Variants in MFN1 observed in about 807,000 individuals in gnomAD.
MFN1 encodes mitofusin 1, also known as mitofusin-1.
A neutral mutation model predicts 92.4 loss-of-function variants in MFN1; 65 were observed. The observed-to-expected ratio is 0.70, with a 90% CI of 0.58 to 0.86. MFN1 has a LOEUF of 0.86. Ranked by LOEUF, MFN1 falls within the 40% of genes least tolerant of loss-of-function variation. The probability of loss-of-function intolerance (pLI) is 0.00; values close to 1 mark genes in which losing one functional copy is unlikely to be tolerated. For synonymous variants in MFN1, 297 were observed against 300.9 expected (o/e 0.99, Z 0.13); for missense variants, 781 against 868.0 (o/e 0.90, Z 1.26).
chr3:179,358,597 CAAG>C (rs1284501322), intron 3 of MFN1, among the ~76,000 whole-genome samples: 3 of 152,196 alleles, frequency 2.0e-5, no homozygotes, highest in African/African-American at 7.2e-5. Context: ...CCACAAAAAG[CAAG>C]AAAGAAAAGT....
intron 7 of MFN1, among the ~76,000 whole-genome samples, chr3:179,366,683 G>A (rs866884856): frequency 1.3e-5 from 2 of 151,778 alleles, no homozygotes; most frequent in African/African-American, 2.4e-5. Flanking sequence ...TTCAAATTGG[G>A]GTCTCAGAAT....
chr3:179,357,682 C>A (rs1712397567), intron 3 of MFN1, among the ~76,000 whole-genome samples: 3 of 152,164 alleles, frequency 2.0e-5, no homozygotes, highest in Non-Finnish European at 4.4e-5. Flanking sequence ...AGTGTGAGTT[C>A]TTTGCATTTC....
chr3:179,384,900 CTTTTTTTTTTTTT>C (rs35563595), intron 14 of MFN1, among the ~76,000 whole-genome samples: 1 of 84,632 alleles, frequency 1.2e-5, no homozygotes, highest in African/African-American at 4.9e-5. Context: ...TTTTGAAGTC[CTTTTTTTTTTTTT>C]TTTTTTTTTT....
chr3:179,387,864 G>T (rs1234434103), intron 16 of MFN1, among the ~76,000 whole-genome samples: 12 of 151,644 alleles, frequency 7.9e-5, no homozygotes, highest in Admixed American at 7.9e-4. Flanking sequence ...AAGTAGCTGG[G>T]ACTACAGGTG....
chr3:179,390,027 G>T lies in MFN1; in HGVS notation c.2036G>T (p.Arg679Leu), dbSNP rs760065963. The stretch of plus-strand genomic sequence containing the variant: ...AGACAAATAGCTACCACTTTTGCTC[G>T]CCTGTGCCAACAAGTTGATATTACT... ...VKQQIATTFARLCQQVDITQK... is the reference protein window; with the variant it reads ...VKQQIATTFALLCQQVDITQK... The change falls in exon 17 of 18, where the codon CGC (arginine) becomes CTC (leucine). Residue 679 changes from arginine (R) to leucine (L), a missense_variant. Transcript: ENST00000471841. 4 of 1,601,046 alleles carry T rather than the reference G, an allele frequency of 2.5e-6. No homozygotes were observed. The highest frequency in any genetic ancestry group is 3.4e-6 in the Non-Finnish European group (4 of 1,176,292).
intron 3 of MFN1, among the ~76,000 whole-genome samples, chr3:179,353,588 CA>C (rs1712239419): frequency 6.6e-6 from 1 of 152,064 alleles, no homozygotes; most frequent in African/African-American, 2.4e-5. Flanking sequence ...AGGCAGTGAT[CA>C]GGTACGTCTT....
chr3:179,353,502 C>G lies in MFN1; in HGVS notation c.248+1467C>G, dbSNP rs143930537. ...GGATTACAGGCGTGAGCCACTGTAC[C>G]TGGCTAATTTAGAGGTGATTTTCTT... is the stretch of plus-strand genomic sequence containing the variant. On this transcript the variant is annotated intron_variant, in intron 3 of 17. Coordinates refer to ENST00000471841, the MANE Select transcript of MFN1 (RefSeq NM_033540.3). Among the ~76,000 whole-genome samples, 390 of 152,312 alleles carry G rather than the reference C, an allele frequency of 2.6e-3. 2 individuals carry two copies. The highest frequency in any genetic ancestry group is 8.9e-3 in the African/African-American group (371 of 41,576).
chr3:179,379,432 C>T (rs1228470888), intron 14 of MFN1, among the ~76,000 whole-genome samples: 2 of 152,190 alleles, frequency 1.3e-5, no homozygotes, highest in African/African-American at 2.4e-5. Context: ...TGGCTCACTG[C>T]AACCTCCACC....
chr3:179,373,830 T>C (rs926279866), intron 9 of MFN1, among the ~76,000 whole-genome samples: 6 of 151,764 alleles, frequency 4.0e-5, no homozygotes, highest in African/African-American at 1.4e-4. Context: ...CGTGCCACCA[T>C]ACCCAGCTAA....
intron 7 of MFN1, among the ~76,000 whole-genome samples, chr3:179,365,819 A>G (rs1312831368): frequency 6.6e-6 from 1 of 152,210 alleles, no homozygotes; most frequent in East Asian, 1.9e-4. Context: ...CGTGTTTGTC[A>G]TATGTGTCCA....
intron 3 of MFN1, 105 bp from the exon 4 acceptor site, chr3:179,358,735 A>G (rs1560190972): frequency 5.8e-6 from 7 of 1,198,334 alleles, no homozygotes; most frequent in Non-Finnish European, 8.1e-6. Flanking sequence ...GTCTTAAGAA[A>G]TCTTAACAAA....
intron 8 of MFN1, 42 bp downstream of exon 8, chr3:179,367,634 T>C (rs1712849037): frequency 1.3e-6 from 2 of 1,522,126 alleles, no homozygotes; most frequent in East Asian, 2.4e-5. Flanking sequence ...TATAAAAATA[T>C]TTAAAATTGG....
intron 9 of MFN1, 44 bp from the exon 10 acceptor site, chr3:179,375,176 G>A: frequency 6.6e-7 from 1 of 1,506,088 alleles, no homozygotes; most frequent in Non-Finnish European, 8.9e-7. Context: ...TGAAAATGTT[G>A]CGATGGAATT....
intron 9 of MFN1, among the ~76,000 whole-genome samples, chr3:179,370,043 A>AT (rs1250562229): frequency 6.6e-6 from 1 of 152,198 alleles, no homozygotes; most frequent in Non-Finnish European, 1.5e-5. Context: ...TTATGTCTGA[A>AT]TGTATTAAAA....
In MFN1 at chr3:179,377,067, G is replaced by A; in HGVS notation, c.1123G>A (p.Asp375Asn). Residue 375 changes from aspartate to asparagine, a missense_variant, in exon 11 of 18, where the codon GAC (aspartate) becomes AAC (asparagine). Physicochemically the swap from Asp to Asn is conservative, Grantham distance 23. Coordinates refer to ENST00000471841, the MANE Select transcript of MFN1 (RefSeq NM_033540.3). ...GCATTATTCAGTGGAAGAGAGGGAAGACCAAATTGATAGACTGGACTTTAT... is the reference window on the plus strand; with the variant it reads ...GCATTATTCAGTGGAAGAGAGGGAAAACCAAATTGATAGACTGGACTTTAT... ...KRHYSVEERE[D>N]QIDRLDFIRN... 6.2e-7 allele frequency: 1 copy of A among 1,613,752 alleles called. No homozygotes were observed. The highest frequency in any genetic ancestry group is 8.5e-7 in the Non-Finnish European group (1 of 1,179,872).
intron 14 of MFN1, among the ~76,000 whole-genome samples, chr3:179,382,280 T>G (rs1298808137): frequency 6.6e-6 from 1 of 152,168 alleles, no homozygotes; most frequent in Admixed American, 6.5e-5. Context: ...GTCCAAGTGT[T>G]CTCATTGTTC....
In MFN1 at chr3:179,378,424, G is replaced by A. The variant is rs772239739; in HGVS notation, c.1413G>A (p.Gln471=). 24 of 1,596,302 alleles carry A rather than the reference G, an allele frequency of 1.5e-5. No homozygotes were observed. Among genetic ancestry groups the A allele is most frequent in the Non-Finnish European group, 7.7e-6 (9 of 1,175,190 alleles). ...CTDEVNALVL[Q]TQQEIIENLK... The stretch of plus-strand genomic sequence containing the variant: ...ATGAAGTAAACGCCTTAGTGCTTCA[G>A]ACCCAGCAAGAAATTATTGGTAATA... The change falls in exon 13 of 18, where the codon CAG becomes CAA. Residue 471 remains glutamine, a synonymous_variant. Coordinates refer to ENST00000471841, the MANE Select transcript of MFN1 (RefSeq NM_033540.3).
chr3:179,379,298 TCTTTA>T (rs1713375790), intron 14 of MFN1, among the ~76,000 whole-genome samples: 1 of 152,248 alleles, frequency 6.6e-6, no homozygotes, highest in Non-Finnish European at 1.5e-5. Context: ...AGTATGGGCT[TCTTTA>T]CTTCCTGTCT....
In MFN1 at chr3:179,392,310, T is replaced by C; in HGVS notation, c.*251T>C. The C allele has an allele frequency of 3.3e-6, 1 of 299,504 alleles. No homozygotes were observed. The highest frequency in any genetic ancestry group is 6.1e-6 in the Non-Finnish European group (1 of 163,562). The allele number at this position is 299,504 out of a possible 1,614,324, so 18.6% of individuals were successfully genotyped here. On this transcript the variant is annotated 3_prime_UTR_variant, in exon 18 of 18. Coordinates refer to ENST00000471841, the MANE Select transcript of MFN1 (RefSeq NM_033540.3). ...ATTAGTTACAAGCAACAGTACCAAC[T>C]TATGTGACCCCTGAGGGGTGGGGCT...
Sources: gnomAD v4.1 joint callset for allele counts (sites outside exome capture counted in the v4.1 genomes callset) on GRCh38, gnomAD v4.1.1 for gene constraint, MANE v1.5 for transcripts, NCBI Gene and HGNC (gene_info 2026-07-23, HGNC 2026-07-21) for gene names.